The following KHDRBS3 variants were observed in gnomAD, a reference collection of about 807,000 sequenced individuals.
KHDRBS3 encodes KH domain-containing, RNA-binding, signal transduction-associated protein 3.
In KHDRBS3, 23 loss-of-function variants were observed where a neutral mutation model predicts 45.6. The observed-to-expected ratio is 0.50, with a 90% confidence interval of 0.36 to 0.72. KHDRBS3 has a LOEUF of 0.72. Ranked by LOEUF, KHDRBS3 falls within the 30% of genes least tolerant of loss-of-function variation. KHDRBS3 has a pLI of 0.00. For synonymous variants in KHDRBS3, 162 were observed against 156.5 expected (o/e 1.04, Z -0.26); for missense variants, 352 against 424.8 (o/e 0.83, Z 1.51).
At chr8:135,631,485 T>C (rs1830601851) in intron 7 of KHDRBS3, among the ~76,000 whole-genome samples, 1 of 152,074 alleles carries the variant, frequency 6.6e-6, no homozygotes, top group Non-Finnish European at 1.5e-5. Context: ...AACGTTTCTG[T>C]TAAAAACTGA....
At chr8:135,562,450 G>A (rs527244070) in intron 5 of KHDRBS3, among the ~76,000 whole-genome samples, 76 of 152,286 alleles carry the variant, frequency 5.0e-4, no homozygotes, top group African/African-American at 1.8e-3. Flanking sequence ...AGTACACTCT[G>A]TGATGTTTGT....
chr8:135,510,674 C>T (rs977098001), intron 1 of KHDRBS3, among the ~76,000 whole-genome samples: 2 of 152,196 alleles, frequency 1.3e-5, no homozygotes, highest in Non-Finnish European at 2.9e-5. Flanking sequence ...ACGTAATGAC[C>T]CACCCGCCTT....
At chr8:135,569,641 A>AGAAC (rs771246000) in intron 5 of KHDRBS3, among the ~76,000 whole-genome samples, 2 of 152,186 alleles carry the variant, frequency 1.3e-5, no homozygotes, top group Non-Finnish European at 2.9e-5. Context: ...AACCTACTGT[A>AGAAC]GAACGTGTGA....
chr8:135,605,579 C>T (rs1164780245), intron 6 of KHDRBS3, among the ~76,000 whole-genome samples: 1 of 152,084 alleles, frequency 6.6e-6, no homozygotes, highest in East Asian at 1.9e-4. Flanking sequence ...GATTCCTTGA[C>T]TACACAACTA....
At chr8:135,458,160 G>T in intron 1 of KHDRBS3, 1 of 1,347,896 alleles carries the variant, frequency 7.4e-7, no homozygotes, top group Non-Finnish European at 9.5e-7. Flanking sequence ...TGGGGACTTG[G>T]AAGGAGAAGG....
At chr8:135,544,754 G>A (rs1488764501) in intron 3 of KHDRBS3, among the ~76,000 whole-genome samples, 1 of 152,062 alleles carries the variant, frequency 6.6e-6, no homozygotes, top group Non-Finnish European at 1.5e-5. Flanking sequence ...CCATTCACTG[G>A]TTCTTTCATT....
At chr8:135,493,806 A>G (rs960143381) in intron 1 of KHDRBS3, among the ~76,000 whole-genome samples, 1 of 152,170 alleles carries the variant, frequency 6.6e-6, no homozygotes, top group African/African-American at 2.4e-5. Context: ...GTTGGGAAGT[A>G]TTCACTCTTT....
intron 4 of KHDRBS3, among the ~76,000 whole-genome samples, chr8:135,653,169 T>G (rs554110570): frequency 1.4e-4 from 21 of 152,216 alleles, no homozygotes; most frequent in African/African-American, 4.8e-4. Context: ...GGGATGGTGG[T>G]GTTATCCTGA....
chr8:135,467,688 T>C (rs1299043087), intron 1 of KHDRBS3, among the ~76,000 whole-genome samples: 1 of 152,272 alleles, frequency 6.6e-6, no homozygotes, highest in Non-Finnish European at 1.5e-5. Flanking sequence ...TAGGTCCCTC[T>C]CAGCCCCTCG....
At chr8:135,481,250 A>ATATATT (rs1285436029) in intron 1 of KHDRBS3, among the ~76,000 whole-genome samples, 12 of 125,558 alleles carry the variant, frequency 9.6e-5, no homozygotes, top group African/African-American at 1.7e-4. Context: ...ATATATATAT[A>ATATATT]TTTAATGTAA....
In KHDRBS3 at chr8:135,647,124, G is replaced by A. The variant is rs777652447; in HGVS notation, c.*40G>A. The stretch of plus-strand genomic sequence containing the variant: ...GTTGTGAAATAGCCAATCTCCACCA[G>A]TCCTGTATACTGTTCAAAGTAATTT... On this transcript the variant is annotated 3_prime_UTR_variant, in exon 9 of 9. Coordinates refer to ENST00000355849, the MANE Select transcript of KHDRBS3 (RefSeq NM_006558.3). 4.8e-6 allele frequency: 5 copies of A among 1,048,836 alleles called. No homozygotes were observed. The highest frequency in any genetic ancestry group is 7.5e-6 in the Non-Finnish European group (5 of 666,602). The allele number at this position is 1,048,836 out of a possible 1,614,324, so 65.0% of individuals were successfully genotyped here. A position where few individuals can be genotyped will look rare whatever the true frequency, so the allele number is the denominator to read the frequency against.
intron 2 of KHDRBS3, among the ~76,000 whole-genome samples, chr8:135,521,596 C>T (rs1437264634): frequency 6.6e-6 from 1 of 152,144 alleles, no homozygotes; most frequent in Admixed American, 6.5e-5. Context: ...CTTTGGGAAG[C>T]CTCTTCAACT....
At chr8:135,587,891 T>G (rs1828554874) in intron 6 of KHDRBS3, among the ~76,000 whole-genome samples, 1 of 152,240 alleles carries the variant, frequency 6.6e-6, no homozygotes, top group East Asian at 1.9e-4. Flanking sequence ...CTGTAAGATC[T>G]TTTTCATTTC....
chr8:135,568,839 A>G (rs907535268), intron 5 of KHDRBS3, among the ~76,000 whole-genome samples: 8 of 152,082 alleles, frequency 5.3e-5, no homozygotes, highest in Non-Finnish European at 8.8e-5. Flanking sequence ...TTGAATGATC[A>G]TTTTCCTGTG....
At chr8:135,655,156 T>G (rs926522766) in intron 4 of KHDRBS3, among the ~76,000 whole-genome samples, 3 of 152,224 alleles carry the variant, frequency 2.0e-5, no homozygotes, top group African/African-American at 7.2e-5. Flanking sequence ...ATCAATAGAT[T>G]TACTGTATTA....
At chr8:135,605,202 C>T (rs552036531) in intron 6 of KHDRBS3, among the ~76,000 whole-genome samples, 30 of 152,072 alleles carry the variant, frequency 2.0e-4, no homozygotes, top group African/African-American at 6.7e-4. Flanking sequence ...TTTCAGCCAT[C>T]GTTTCTCAAA....
chr8:135,598,909 T>G lies in KHDRBS3; in HGVS notation c.808-8046T>G, dbSNP rs765587312. Among the ~76,000 whole-genome samples, 27 of 152,344 alleles carry G rather than the reference T, an allele frequency of 1.8e-4. No individual in the cohort carries two copies. In the South Asian group the frequency reaches 1.9e-3, roughly 11 times the overall value. On this transcript the variant is annotated intron_variant, in intron 6 of 8. Transcript: ENST00000355849. ...GATGTCAGATAGCATAATTACAGTC[T>G]TTTAAAATGACTCAAAACTGAAACA...
At position 135,647,092 on chromosome 8, in the gene KHDRBS3, G is replaced by A. The variant is rs1417535847; in HGVS notation, c.*8G>A. 7 of 1,515,392 alleles carry A rather than the reference G, an allele frequency of 4.6e-6. No individual in the cohort carries two copies. Among genetic ancestry groups the A allele is most frequent in the African/African-American group, 1.4e-5 (1 of 72,842 alleles). The allele number at this position is 1,515,392 out of a possible 1,614,324, so 93.9% of individuals were successfully genotyped here. A position where few individuals can be genotyped will look rare whatever the true frequency, so the allele number is the denominator to read the frequency against. On this transcript the variant is annotated 3_prime_UTR_variant, in exon 9 of 9. Transcript: ENST00000355849. ...CCATATGGCAGATACTGATTGTACT[G>A]TCTGATGTTGTGAAATAGCCAATCT...
At chr8:135,523,641 G>A (rs1244376267) in intron 2 of KHDRBS3, among the ~76,000 whole-genome samples, 1 of 152,150 alleles carries the variant, frequency 6.6e-6, no homozygotes, top group African/African-American at 2.4e-5. Flanking sequence ...TAATGCTGAA[G>A]ACAAATGAGG....
Sources: gnomAD v4.1 joint callset for allele counts (sites outside exome capture counted in the v4.1 genomes callset) on GRCh38, gnomAD v4.1.1 for gene constraint, MANE v1.5 for transcripts, NCBI Gene and HGNC (gene_info 2026-07-23, HGNC 2026-07-21) for gene names.